NRG1: variants seen among roughly 807,000 people sequenced by gnomAD.
NRG1 encodes the protein pro-neuregulin-1, membrane-bound isoform.
In NRG1, 18 loss-of-function variants were observed where a neutral mutation model predicts 63.8. The ratio of observed to expected loss-of-function variants is 0.28; its 90% CI spans 0.19 to 0.42. NRG1 has a LOEUF of 0.42. Among genes scored for constraint, NRG1 ranks in the 10% least tolerant of loss-of-function variants. The pLI, the probability that NRG1 is intolerant of heterozygous loss-of-function variation, is 1.00. For missense variants in NRG1, 762 were observed against 814.7 expected (o/e 0.94, Z 0.79); for synonymous variants, 302 against 301.3 (o/e 1.00, Z -0.02).
intron 1 of NRG1, among the ~76,000 whole-genome samples, chr8:32,040,750 CATATAT>C (rs71208164): frequency 1.8e-4 from 9 of 48,684 alleles, no homozygotes; most frequent in Non-Finnish European, 3.4e-4. Flanking sequence ...AATTTAGGCG[CATATAT>C]ATATATATAT....
At chr8:32,703,390 A>G (rs1345011208) in intron 5 of NRG1, among the ~76,000 whole-genome samples, 1 of 149,414 alleles carries the variant, frequency 6.7e-6, no homozygotes, top group Non-Finnish European at 1.5e-5. Flanking sequence ...TTTTAGTCCT[A>G]TGATATTGTA....
At chr8:32,683,052 G>A (rs1205832074) in intron 5 of NRG1, among the ~76,000 whole-genome samples, 1 of 152,108 alleles carries the variant, frequency 6.6e-6, no homozygotes, top group Non-Finnish European at 1.5e-5. Flanking sequence ...AAAGGCTTTA[G>A]CTATTATTTA....
intron 1 of NRG1, among the ~76,000 whole-genome samples, chr8:31,757,022 T>C (rs964717355): frequency 1.4e-4 from 21 of 152,314 alleles, no homozygotes; most frequent in Non-Finnish European, 2.4e-4. Context: ...ACCATTCTCT[T>C]GCAATTGCAA....
intron 1 of NRG1, among the ~76,000 whole-genome samples, chr8:32,581,467 G>T (rs1203557210): frequency 6.6e-6 from 1 of 152,150 alleles, no homozygotes; most frequent in Non-Finnish European, 1.5e-5. Flanking sequence ...GATTGACTTT[G>T]CTCATTCGTT....
intron 1 of NRG1, among the ~76,000 whole-genome samples, chr8:31,662,242 G>T (rs1342526686): frequency 6.6e-6 from 1 of 152,154 alleles, no homozygotes; most frequent in African/African-American, 2.4e-5. Flanking sequence ...GTGATCAAAA[G>T]CTGTAAGTAG....
intron 1 of NRG1, among the ~76,000 whole-genome samples, chr8:32,154,928 A>G (rs1837887459): frequency 6.6e-6 from 1 of 152,226 alleles, no homozygotes; most frequent in African/African-American, 2.4e-5. Context: ...CAACTATCAC[A>G]TTTTATAGAT....
At chr8:31,984,652 T>C (rs1809739203) in intron 1 of NRG1, among the ~76,000 whole-genome samples, 1 of 152,056 alleles carries the variant, frequency 6.6e-6, no homozygotes, top group African/African-American at 2.4e-5. Context: ...TGCCAACACT[T>C]ATTGGGAACC....
Position 32,742,567 on chromosome 8 carries a change from T to C in NRG1, c.633-108T>C. ...AAAGATTCAGTTCCTGAGGGTGAAC[T>C]CACCAAGTTTCAGTCAAATGACACT... On this transcript the variant is annotated intron_variant, in intron 6 of 11. Coordinates refer to ENST00000356819, the Ensembl canonical transcript of NRG1. The surrounding 1 kb of genome is among the most constrained non-coding windows in gnomAD (Gnocchi z 4.2). 1 of 989,726 alleles carries C rather than the reference T, an allele frequency of 1.0e-6. No homozygotes were observed. The highest frequency in any genetic ancestry group is 1.4e-5 in the South Asian group (1 of 69,058). The allele number at this position is 989,726 out of a possible 1,614,324, so 61.3% of individuals were successfully genotyped here.
chr8:32,650,017 G>GA (rs1038958397), intron 5 of NRG1, among the ~76,000 whole-genome samples: 1 of 151,902 alleles, frequency 6.6e-6, no homozygotes, highest in Non-Finnish European at 1.5e-5. Flanking sequence ...TCCAGAGAAA[G>GA]AAAAAAATGC....
intron 1 of NRG1, among the ~76,000 whole-genome samples, chr8:31,943,158 C>A (rs1194667397): frequency 2.6e-5 from 4 of 151,922 alleles, no homozygotes; most frequent in Non-Finnish European, 4.4e-5. Context: ...GAAGATATGA[C>A]AAAAATATTT....
At chr8:32,211,393 T>C (rs1844689983) in intron 1 of NRG1, among the ~76,000 whole-genome samples, 1 of 152,232 alleles carries the variant, frequency 6.6e-6, no homozygotes, top group Non-Finnish European at 1.5e-5. Flanking sequence ...ATGTCCCTTG[T>C]GCATAAATCG....
At chr8:32,363,487 C>T (rs1209766745) in intron 1 of NRG1, among the ~76,000 whole-genome samples, 2 of 152,156 alleles carry the variant, frequency 1.3e-5, no homozygotes, top group African/African-American at 4.8e-5. Flanking sequence ...TATGATGTCA[C>T]TAGTTCCAGA....
Position 31,674,934 on chromosome 8 carries a change from G to T in NRG1, c.37+35503G>T, listed in dbSNP as rs1267052553. On this transcript the variant is annotated intron_variant, in intron 1 of 10. Coordinates refer to the NRG1 transcript ENST00000519301. ...TCCTTACTCCATTTTCAGGCCCTTGGATGCAGGACCCTTCTCTGAGGTCCC... is the reference window on the plus strand; with the variant it reads ...TCCTTACTCCATTTTCAGGCCCTTGTATGCAGGACCCTTCTCTGAGGTCCC... 2.0e-5 allele frequency among the ~76,000 whole-genome samples: 3 copies of T among 152,292 alleles called. No homozygotes were observed. The East Asian group carries it at 5.8e-4, about 29-fold the overall frequency.
At chr8:31,800,798 G>A (rs780705694) in intron 1 of NRG1, among the ~76,000 whole-genome samples, 20 of 151,236 alleles carry the variant, frequency 1.3e-4, no homozygotes, top group South Asian at 4.2e-4. Flanking sequence ...AGTTAAAATC[G>A]GGGATAACAT....
intron 1 of NRG1, among the ~76,000 whole-genome samples, chr8:31,643,502 A>G (rs1399404607): frequency 2.1e-4 from 32 of 152,222 alleles, no homozygotes; most frequent in Admixed American, 2.1e-3. Context: ...CTCCGGAATA[A>G]TGTCGATAAA....
intron 1 of NRG1, among the ~76,000 whole-genome samples, chr8:32,269,357 G>A (rs762292421): frequency 6.6e-6 from 1 of 152,134 alleles, no homozygotes; most frequent in East Asian, 1.9e-4. Context: ...ATAGATCAAG[G>A]CTCCATATAC....
intron 1 of NRG1, among the ~76,000 whole-genome samples, chr8:32,110,150 G>C (rs1404930216): frequency 1.3e-5 from 2 of 152,176 alleles, no homozygotes; most frequent in African/African-American, 4.8e-5. Flanking sequence ...AAATCATTAA[G>C]AGTGTATTTA....
intron 1 of NRG1, among the ~76,000 whole-genome samples, chr8:32,048,446 CATATATATATAT>C (rs869311093): frequency 4.5e-4 from 3 of 6,730 alleles, no homozygotes; most frequent in South Asian, 0.042. Flanking sequence ...TATATACATA[CATATATATATAT>C]ATATATATAT....
chr8:32,112,344 G>T (rs577951317), intron 1 of NRG1, among the ~76,000 whole-genome samples: 2 of 152,308 alleles, frequency 1.3e-5, no homozygotes, highest in African/African-American at 4.8e-5. Flanking sequence ...GGAAAATCTT[G>T]TGTCTGAAGC....
Sources: gnomAD v4.1 joint callset for allele counts (sites outside exome capture counted in the v4.1 genomes callset) on GRCh38, gnomAD v4.1.1 for gene constraint, Gnocchi (gnomAD v3.1) non-coding constraint, MANE v1.5 for transcripts, NCBI Gene and HGNC (gene_info 2026-07-23, HGNC 2026-07-21) for gene names.